Variants in ARAP2 observed in about 807,000 individuals in gnomAD.
The protein encoded by ARAP2 is ArfGAP with RhoGAP domain, ankyrin repeat and PH domain 2, also known as arf-GAP with Rho-GAP domain, ANK repeat and PH domain-containing protein 2.
ARAP2 carries 148 observed loss-of-function variants against 194.5 expected under a neutral mutation model. The observed-to-expected ratio is 0.76, with a 90% confidence interval of 0.67 to 0.87. The LOEUF (loss-of-function observed/expected upper bound fraction) is 0.87. Among genes scored for constraint, ARAP2 ranks in the 40% least tolerant of loss-of-function variants. The probability of loss-of-function intolerance (pLI) is 0.00; values close to 1 mark genes in which losing one functional copy is unlikely to be tolerated. For missense variants in ARAP2, 2,128 were observed against 1,989.7 expected (o/e 1.07, Z -1.32); for synonymous variants, 695 against 683.5 (o/e 1.02, Z -0.26).
At chr4:36,068,472 A>T (rs2109300130) in intron 32 of ARAP2, among the ~76,000 whole-genome samples, 194 bp from the exon 33 acceptor site, 1 of 152,358 alleles carries the variant, frequency 6.6e-6, no homozygotes, top group African/African-American at 2.4e-5. Context: ...TCAACTACAG[A>T]CAGTCCCTGG....
chr4:36,237,698 G>A (rs1173969234), intron 1 of ARAP2, among the ~76,000 whole-genome samples: 2 of 152,180 alleles, frequency 1.3e-5, no homozygotes, highest in East Asian at 3.8e-4. Flanking sequence ...CTGCAGAACT[G>A]TGAGCCAAAT....
rs200998893 is a variant in ARAP2, at chr4:36,068,227, C to A, written c.4795G>T (p.Glu1599Ter). Residue 1599 changes from glutamate to a stop codon, truncating the protein, a stop_gained, in exon 33 of 33, where the codon GAG becomes TAG. Coordinates refer to ENST00000303965, the MANE Select transcript of ARAP2 (RefSeq NM_015230.4). LOFTEE classifies it low-confidence loss of function (END_TRUNC). ...TCCTTTAAGCTAGAGTCCACGGACT[C>A]TTTATCACACTTTTCACTGAGCCGC... ...RLRLSEKCDK[E>*]SVDSSLKERA... is the part of the protein sequence containing the mutation. The A allele has an allele frequency of 6.3e-7, 1 of 1,597,162 alleles. No homozygotes were observed. Among genetic ancestry groups the A allele is most frequent in the Admixed American group, 1.8e-5 (1 of 56,512 alleles).
At chr4:36,115,915 A>C (rs1293466937) in intron 25 of ARAP2, among the ~76,000 whole-genome samples, 3 of 152,010 alleles carry the variant, frequency 2.0e-5, no homozygotes, top group South Asian at 4.1e-4. Context: ...ACATGGCTCA[A>C]TTATAACTTC....
At chr4:36,138,349 A>C (rs557978487) in intron 19 of ARAP2, among the ~76,000 whole-genome samples, 1 of 151,726 alleles carries the variant, frequency 6.6e-6, no homozygotes, top group African/African-American at 2.4e-5. Flanking sequence ...ATGTTCACTC[A>C]TAACTCTTTG....
At chr4:36,093,360 AT>A (rs1007857339) in intron 27 of ARAP2, among the ~76,000 whole-genome samples, 4 of 152,000 alleles carry the variant, frequency 2.6e-5, no homozygotes, top group Admixed American at 6.6e-5. Flanking sequence ...CTTAAAAGTT[AT>A]TTTTTTTAAA....
intron 27 of ARAP2, among the ~76,000 whole-genome samples, chr4:36,105,153 C>T (rs1718039035): frequency 6.6e-6 from 1 of 151,932 alleles, no homozygotes; most frequent in African/African-American, 2.4e-5. Context: ...AAGCCAGTCT[C>T]CAATAAAAAT....
At chr4:36,025,100 A>G (rs796384761) in intron 5 of ARAP2, among the ~76,000 whole-genome samples, 2 of 152,306 alleles carry the variant, frequency 1.3e-5, no homozygotes, top group African/African-American at 4.8e-5. Flanking sequence ...GAGATAATTC[A>G]TAGTCAAAAA....
At chr4:36,203,546 T>C (rs1337283747) in intron 6 of ARAP2, among the ~76,000 whole-genome samples, 1 of 151,804 alleles carries the variant, frequency 6.6e-6, no homozygotes, top group African/African-American at 2.4e-5. Context: ...ATCGTGCCAC[T>C]GCACTCCATC....
chr4:36,119,557 A>C (rs1000727089), intron 24 of ARAP2, 93 bp downstream of exon 24: 9 of 856,282 alleles, frequency 1.1e-5, no homozygotes, highest in Non-Finnish European at 1.4e-5. Flanking sequence ...TGCTTAAAAT[A>C]GGAACTTGAA....
At chr4:36,097,086 G>A (rs563731710) in intron 27 of ARAP2, among the ~76,000 whole-genome samples, 9 of 151,916 alleles carry the variant, frequency 5.9e-5, no homozygotes, top group South Asian at 2.1e-4. Context: ...CCTATGTCTC[G>A]TATTAAACAA....
intron 32 of ARAP2, among the ~76,000 whole-genome samples, chr4:36,070,082 T>A (rs1261603170): frequency 6.6e-6 from 1 of 152,176 alleles, no homozygotes; most frequent in Admixed American, 6.6e-5. Context: ...TAATTAAACA[T>A]CTTTTCTTCA....
At chr4:36,109,012 T>C (rs767330436) in intron 26 of ARAP2, among the ~76,000 whole-genome samples, 2 of 151,948 alleles carry the variant, frequency 1.3e-5, no homozygotes, top group Non-Finnish European at 2.9e-5. Context: ...AAAGAGCATA[T>C]CAAAAGCATC....
chr4:36,194,496 C>T (rs1742655917), intron 6 of ARAP2, among the ~76,000 whole-genome samples: 1 of 152,126 alleles, frequency 6.6e-6, no homozygotes, highest in Admixed American at 6.5e-5. Context: ...CAAATATCAA[C>T]TCTGTCTACC....
chr4:36,128,653 T>C lies in ARAP2; in HGVS notation c.3520A>G (p.Lys1174Glu), dbSNP rs777944857. The change falls in exon 21 of 33, where the codon AAA becomes GAA. Residue 1174 changes from lysine to glutamate, a missense_variant. Transcript: ENST00000303965. ...ESFKKDARSFKLRAGKHQLED... is the reference protein window; with the variant it reads ...ESFKKDARSFELRAGKHQLED... ...AGCTGATGTTTTCCAGCCCTCAATTTAAAGCTTCTTGCATCCTTTTTGAAA... is the reference window on the plus strand; with the variant it reads ...AGCTGATGTTTTCCAGCCCTCAATTCAAAGCTTCTTGCATCCTTTTTGAAA... 6.2e-7 allele frequency: 1 copy of C among 1,612,996 alleles called. No individual in the cohort carries two copies. Among genetic ancestry groups the C allele is most frequent in the South Asian group, 1.1e-5 (1 of 91,058 alleles).
intron 5 of ARAP2, among the ~76,000 whole-genome samples, chr4:36,210,983 A>G (rs1423096213): frequency 6.6e-6 from 1 of 152,162 alleles, no homozygotes; most frequent in East Asian, 1.9e-4. Context: ...ATTTAATCTT[A>G]TCCCTTTTAT....
chr4:36,169,226 G>T (rs560931112), intron 9 of ARAP2, among the ~76,000 whole-genome samples: 1 of 152,152 alleles, frequency 6.6e-6, no homozygotes, highest in African/African-American at 2.4e-5. Context: ...CCTCCATAAT[G>T]AGGCATTTGA....
At chr4:36,219,845 C>G (rs1748767300) in intron 2 of ARAP2, among the ~76,000 whole-genome samples, 1 of 152,092 alleles carries the variant, frequency 6.6e-6, no homozygotes, top group African/African-American at 2.4e-5. Context: ...ACTATAACCA[C>G]AGGCACAAAC....
In ARAP2 at chr4:36,067,153, A is replaced by G. The variant is rs1051155069; in HGVS notation, c.*754T>C. On this transcript the variant is annotated 3_prime_UTR_variant, in exon 33 of 33. Transcript: ENST00000303965. ...TAGCAGCCACCAACAATGAGCTCAA[A>G]CGTAGTGAATCTGTAATGTGGCTGG... 6.6e-6 allele frequency: 1 copy of G among 152,358 alleles called. No individual in the cohort carries two copies. Among genetic ancestry groups the G allele is most frequent in the African/African-American group, 2.4e-5 (1 of 41,456 alleles). 9.4% of individuals were successfully genotyped at this position (152,358 alleles called of 1,614,324 possible).
intron 10 of ARAP2, among the ~76,000 whole-genome samples, 166 bp downstream of exon 10, chr4:36,166,764 CTT>C (rs369834438): frequency 9.1e-4 from 138 of 151,922 alleles, no homozygotes; most frequent in South Asian, 2.1e-3. Context: ...ATTGAGGTCA[CTT>C]TTACAAGGTG....
Sources: allele counts gnomAD v4.1 joint callset (sites outside exome capture counted in the v4.1 genomes callset), GRCh38; gene constraint gnomAD v4.1.1; transcripts MANE v1.5; gene names NCBI Gene and HGNC (gene_info 2026-07-23, HGNC 2026-07-21).